Variants in ADARB1 observed in about 807,000 individuals in gnomAD.
ADARB1 encodes the protein double-stranded RNA-specific editase 1.
A neutral mutation model predicts 52.4 loss-of-function variants in ADARB1; 10 were observed. The observed-to-expected ratio is 0.19, with a 90% confidence interval of 0.12 to 0.32. The LOEUF is 0.32. Among genes scored for constraint, ADARB1 ranks in the 10% least tolerant of loss-of-function variants. The pLI, the probability that ADARB1 is intolerant of heterozygous loss-of-function variation, is 1.00. For synonymous variants in ADARB1, 349 were observed against 371.1 expected (o/e 0.94, Z 0.68); for missense variants, 643 against 922.3 (o/e 0.70, Z 3.92).
At chr21:45,149,835 A>T (rs143170849) in intron 2 of ADARB1, among the ~76,000 whole-genome samples, 22 of 152,378 alleles carry the variant, frequency 1.4e-4, no homozygotes, top group African/African-American at 4.8e-4. Context: ...ACAGCGGCCT[A>T]CATCCTGTTT....
At position 45,221,159 on chromosome 21, in the gene ADARB1, A is replaced by G. The variant is rs2092958587; in HGVS notation, c.1926+145A>G. 9.1e-7 allele frequency: 1 copy of G among 1,097,346 alleles called. No homozygotes were observed. The highest frequency in any genetic ancestry group is 1.3e-6 in the Non-Finnish European group (1 of 785,472). The allele number at this position is 1,097,346 out of a possible 1,614,324, so 68.0% of individuals were successfully genotyped here. ...TCACTTGGAATGATTCTTCCTTCAG[A>G]TTGTTTTAGCTTAGAAGTGTGGCTA... On this transcript the variant is annotated intron_variant, in intron 10 of 10. Coordinates refer to ENST00000348831, the MANE Select transcript of ADARB1 (RefSeq NM_001112.4). This position sits in a 1 kb window ranked among gnomAD's most constrained non-coding sequence, Gnocchi z 4.9.
intron 1 of ADARB1, among the ~76,000 whole-genome samples, chr21:45,094,325 TC>T (rs2086671560): frequency 6.6e-6 from 1 of 152,208 alleles, no homozygotes; most frequent in African/African-American, 2.4e-5. Context: ...TAGTGTGGCT[TC>T]CCAGGTACTG....
chr21:45,131,883 T>TGTCCTGGCGCA (rs1334764798), intron 2 of ADARB1, among the ~76,000 whole-genome samples: 1 of 152,152 alleles, frequency 6.6e-6, no homozygotes, highest in Non-Finnish European at 1.5e-5. Context: ...TGCCTGGCGG[T>TGTCCTGGCGCA]GTCCTGGCGC....
chr21:45,138,107 T>C (rs534955989), intron 2 of ADARB1, among the ~76,000 whole-genome samples: 1 of 152,322 alleles, frequency 6.6e-6, no homozygotes, highest in East Asian at 1.9e-4. Flanking sequence ...TCTATATTAA[T>C]TAGTATTAGG....
At chr21:45,185,115 GC>G (rs768458095) in intron 8 of ADARB1, 24 bp downstream of exon 8, 1 of 1,610,146 alleles carries the variant, frequency 6.2e-7, no homozygotes, top group South Asian at 1.1e-5. Context: ...GCTCCCTGTG[GC>G]CACCTCCCTG....
intron 1 of ADARB1, among the ~76,000 whole-genome samples, chr21:45,125,142 T>A (rs2088495520): frequency 6.6e-6 from 1 of 152,204 alleles, no homozygotes; most frequent in Non-Finnish European, 1.5e-5. Flanking sequence ...AACCTAAGCT[T>A]ACAAGCTTTT....
Position 45,221,024 on chromosome 21 carries a change from C to T in ADARB1, c.1926+10C>T, listed in dbSNP as rs1227349073. On this transcript the variant is annotated intron_variant, in intron 10 of 10. Coordinates refer to ENST00000348831, the MANE Select transcript of ADARB1 (RefSeq NM_001112.4). This position sits in a 1 kb window ranked among gnomAD's most constrained non-coding sequence, Gnocchi z 4.9. Reference sequence around the variant, plus strand: ...GCGTGTGCACGGCAAGGTACTGAGGCGCCCTCACCGCAATGCGCCGGCTCC... The same window carrying T: ...GCGTGTGCACGGCAAGGTACTGAGGTGCCCTCACCGCAATGCGCCGGCTCC... 15 of 1,597,066 alleles carry T rather than the reference C, an allele frequency of 9.4e-6. No homozygotes were observed. The highest frequency in any genetic ancestry group is 3.4e-5 in the Admixed American group (2 of 59,598).
intron 1 of ADARB1, among the ~76,000 whole-genome samples, chr21:45,126,679 C>A (rs981015351): frequency 2.6e-5 from 4 of 152,210 alleles, no homozygotes; most frequent in African/African-American, 9.7e-5. Flanking sequence ...GGAAGCCATG[C>A]TTTTCCTGAA....
At chr21:45,127,917 ATGGAGATACTGTTTCACAACCTC>A (rs2088691505) in intron 1 of ADARB1, among the ~76,000 whole-genome samples, 1 of 152,198 alleles carries the variant, frequency 6.6e-6, no homozygotes, top group Admixed American at 6.5e-5. Flanking sequence ...CAGAAACTAG[ATGGAGATACTGTTTCACAACCTC>A]TGCTTCAGAA....
intron 2 of ADARB1, among the ~76,000 whole-genome samples, chr21:45,147,384 A>ACGTC (rs915822836): frequency 6.6e-6 from 1 of 152,068 alleles, no homozygotes; most frequent in African/African-American, 2.4e-5. Flanking sequence ...GTTGCTTTTG[A>ACGTC]CGTCCTCTGT....
At chr21:45,082,438 G>A (rs756732466) in intron 1 of ADARB1, among the ~76,000 whole-genome samples, 5 of 152,078 alleles carry the variant, frequency 3.3e-5, no homozygotes, top group Admixed American at 2.6e-4. Flanking sequence ...ACCTTCCCAC[G>A]GCCTACAAAA....
chr21:45,202,036 G>A (rs2092565312), intron 8 of ADARB1, among the ~76,000 whole-genome samples: 1 of 152,100 alleles, frequency 6.6e-6, no homozygotes, highest in African/African-American at 2.4e-5. Flanking sequence ...ACAGGGCTGG[G>A]GGATCTGGCC....
rs767777692 is a variant in ADARB1, at chr21:45,200,571, G to A, written c.1566-3984G>A. On this transcript the variant is annotated intron_variant, in intron 8 of 10. Transcript: ENST00000348831. This position sits in a 1 kb window ranked among gnomAD's most constrained non-coding sequence, Gnocchi z 5.0. ...GACTCAAAGGCACGCACAGGAAGGG[G>A]GATGGCTTTATTGTAGGGAAAGGGG... 7.2e-4 allele frequency among the ~76,000 whole-genome samples: 109 copies of A among 152,278 alleles called. No homozygotes were observed. The Middle Eastern group carries it at 0.014, about 19-fold the overall frequency.
intron 7 of ADARB1, chr21:45,184,666 G>T: frequency 2.7e-6 from 1 of 370,144 alleles, no homozygotes; most frequent in Non-Finnish European, 5.1e-6. Context: ...GCCCAGGCTG[G>T]TCTTAAACTC....
intron 2 of ADARB1, among the ~76,000 whole-genome samples, chr21:45,155,655 A>C (rs2090521202): frequency 6.7e-6 from 1 of 150,148 alleles, no homozygotes; most frequent in South Asian, 2.1e-4. Flanking sequence ...CCATGCATCC[A>C]TCATCCATCT....
At chr21:45,180,235 T>C in intron 4 of ADARB1, 95 bp from the exon 5 acceptor site, 1 of 841,840 alleles carries the variant, frequency 1.2e-6, no homozygotes, top group African/African-American at 1.7e-5. Flanking sequence ...GCAGCCTGTG[T>C]CACTCCATAA....
intron 2 of ADARB1, chr21:45,137,022 C>G (rs2089426087): frequency 6.6e-6 from 1 of 152,184 alleles, no homozygotes; most frequent in Non-Finnish European, 1.5e-5. Flanking sequence ...AAAATACACA[C>G]TGTTGGGTGT....
chr21:45,216,727 G>T (rs1307166911), intron 9 of ADARB1, among the ~76,000 whole-genome samples: 1 of 151,978 alleles, frequency 6.6e-6, no homozygotes, highest in Non-Finnish European at 1.5e-5. Flanking sequence ...CAAGTTGTTT[G>T]ATTATACTAT....
intron 1 of ADARB1, among the ~76,000 whole-genome samples, chr21:45,124,766 G>GGTGT (rs869284883): frequency 3.9e-5 from 1 of 25,520 alleles, no homozygotes; most frequent in African/African-American, 1.7e-4. Context: ...CTTTTTAAAT[G>GGTGT]GTGTGTGTGT....
Sources: gnomAD v4.1 joint callset for allele counts (sites outside exome capture counted in the v4.1 genomes callset) on GRCh38, gnomAD v4.1.1 for gene constraint, Gnocchi (gnomAD v3.1) non-coding constraint, MANE v1.5 for transcripts, NCBI Gene and HGNC (gene_info 2026-07-23, HGNC 2026-07-21) for gene names.